The following LMBR1 variants were observed in gnomAD, a reference collection of about 807,000 sequenced individuals.
The protein encoded by LMBR1 is limb region 1 protein homolog.
A neutral mutation model predicts 73.9 loss-of-function variants in LMBR1; 52 were observed. The ratio of observed to expected loss-of-function variants is 0.70; its 90% CI spans 0.56 to 0.89. LMBR1 has a LOEUF of 0.89. LMBR1 is among the 40% of genes least tolerant of loss of function. The pLI is 0.00. For missense variants in LMBR1, 539 were observed against 579.8 expected, an observed-to-expected ratio of 0.93 and a Z score of 0.72; for synonymous variants, 215 against 209.4, an observed-to-expected ratio of 1.03 and a Z score of -0.23.
In LMBR1 at chr7:156,688,066, T is replaced by A; in HGVS notation, c.1351A>T (p.Thr451Ser). ...AAAAGTTCTTCTCGAACTGCAGAGG[T>A]GAATTTTCGGACCAGACACAATGTT... Reference protein sequence around the residue: ...VTTLCLVRKFTSAVREELFKA... With the variant: ...VTTLCLVRKFSSAVREELFKA... Residue 451 changes from threonine (T) to serine (S), a missense_variant, in exon 16 of 17, where the codon ACC becomes TCC. Around this residue, in one of 3 missense-constraint regions of LMBR1, gnomAD observed 69 missense variants for 68.5 expected, o/e 1.01. Coordinates refer to ENST00000353442, the MANE Select transcript of LMBR1 (RefSeq NM_022458.4). 6.2e-7 allele frequency: 1 copy of A among 1,611,246 alleles called. No individual in the cohort carries two copies. The highest frequency in any genetic ancestry group is 8.5e-7 in the Non-Finnish European group (1 of 1,179,104).
At chr7:156,711,275 CACTCCAGCCTGGG>C (rs952982563) in intron 15 of LMBR1, among the ~76,000 whole-genome samples, 1 of 152,154 alleles carries the variant, frequency 6.6e-6, no homozygotes, top group African/African-American at 2.4e-5. Context: ...TACGCCACTG[CACTCCAGCCTGGG>C]CGACAGAGCG....
intron 10 of LMBR1, among the ~76,000 whole-genome samples, chr7:156,733,040 G>A (rs1168244579): frequency 3.3e-5 from 5 of 152,162 alleles, no homozygotes; most frequent in East Asian, 3.9e-4. Flanking sequence ...AGCTACTCAG[G>A]AGGCTGAAGT....
chr7:156,817,199 A>G (rs560948222), intron 4 of LMBR1, among the ~76,000 whole-genome samples: 19 of 152,292 alleles, frequency 1.2e-4, no homozygotes, highest in African/African-American at 4.6e-4. Context: ...ACTACAATAT[A>G]CAATACTATA....
At chr7:156,878,330 A>G (rs1055326502) in intron 1 of LMBR1, among the ~76,000 whole-genome samples, 24 of 152,208 alleles carry the variant, frequency 1.6e-4, no homozygotes, top group Non-Finnish European at 3.5e-4. Context: ...GTAGCTCCTA[A>G]AACTGATAAA....
chr7:156,786,590 T>C lies in LMBR1; in HGVS notation c.423+9799A>G, dbSNP rs572175102. 1.7e-3 allele frequency among the ~76,000 whole-genome samples: 254 copies of C among 152,212 alleles called. 1 individual carries two copies. Among genetic ancestry groups the C allele is most frequent in the Middle Eastern group, 6.8e-3 (2 of 294 alleles). On this transcript the variant is annotated intron_variant, in intron 5 of 16. Coordinates refer to ENST00000353442, the MANE Select transcript of LMBR1 (RefSeq NM_022458.4). Reference sequence around the variant, plus strand: ...ATAGACTATATTATTCATCCCAACTTTGAAGGAATGATAACACTTGAAGAG... The same window carrying C: ...ATAGACTATATTATTCATCCCAACTCTGAAGGAATGATAACACTTGAAGAG...
intron 1 of LMBR1, chr7:156,892,690 G>T: frequency 6.0e-6 from 2 of 334,378 alleles, no homozygotes; most frequent in Non-Finnish European, 5.3e-6. Flanking sequence ...GGGGAGGCAA[G>T]AGCGGAGCGG....
In LMBR1 at chr7:156,685,885, C is replaced by T. The variant is rs1461998955; in HGVS notation, c.1388-1722G>A. Among the ~76,000 whole-genome samples, 1 of 152,216 alleles carries T rather than the reference C, an allele frequency of 6.6e-6. No individual in the cohort carries two copies. The highest frequency in any genetic ancestry group is 1.5e-5 in the Non-Finnish European group (1 of 68,042). ...TGACCTATTAGGCAGTTTTACATCA[C>T]TCATAAACTAATATAGCACTCCAAA... On this transcript the variant is annotated intron_variant, in intron 16 of 16. Transcript: ENST00000353442. This position sits in a 1 kb window ranked among gnomAD's most constrained non-coding sequence, Gnocchi z 4.1.
At position 156,816,151 on chromosome 7, in the gene LMBR1, A is replaced by C. The variant is rs139423813; in HGVS notation, c.319+10454T>G. Among the ~76,000 whole-genome samples, 76 of 152,270 alleles carry C rather than the reference A, an allele frequency of 5.0e-4. No individual in the cohort carries two copies. The East Asian group carries it at 0.014, about 28-fold the overall frequency. ...CCAATACACTTACTTTTATTAAAAC[A>C]AAGATAGTTTATCAAAAGCTAAATG... On this transcript the variant is annotated intron_variant, in intron 4 of 16. Coordinates refer to ENST00000353442, the MANE Select transcript of LMBR1 (RefSeq NM_022458.4).
chr7:156,771,652 A>G (rs140622417), intron 5 of LMBR1, among the ~76,000 whole-genome samples: 243 of 152,294 alleles, frequency 1.6e-3, no homozygotes, highest in African/African-American at 5.4e-3. Flanking sequence ...ATCCTATCAA[A>G]TATTTAAAGA....
At chr7:156,801,174 G>T (rs1830890406) in intron 4 of LMBR1, among the ~76,000 whole-genome samples, 1 of 152,186 alleles carries the variant, frequency 6.6e-6, no homozygotes, top group African/African-American at 2.4e-5. Context: ...ATGCTACACA[G>T]AAATCTTTTG....
At chr7:156,686,290 C>T (rs551976806) in intron 16 of LMBR1, among the ~76,000 whole-genome samples, 28 of 152,206 alleles carry the variant, frequency 1.8e-4, no homozygotes, top group African/African-American at 6.7e-4. Context: ...ATCACCACAG[C>T]TAAATTTCTA....
At chr7:156,847,806 T>C (rs1357693911) in intron 1 of LMBR1, among the ~76,000 whole-genome samples, 3 of 152,150 alleles carry the variant, frequency 2.0e-5, no homozygotes, top group Admixed American at 6.5e-5. Flanking sequence ...CTCTCATTAA[T>C]TGCTAGTGGG....
intron 15 of LMBR1, among the ~76,000 whole-genome samples, chr7:156,688,779 T>C (rs1459800410): frequency 6.6e-6 from 1 of 152,054 alleles, no homozygotes; most frequent in Non-Finnish European, 1.5e-5. Context: ...CATAGACTAT[T>C]TTTTTTTCTT....
At chr7:156,838,063 C>CAG (rs1837980559) in intron 1 of LMBR1, among the ~76,000 whole-genome samples, 1 of 152,136 alleles carries the variant, frequency 6.6e-6, no homozygotes. Context: ...GCTGGGATTA[C>CAG]AGGCATGGGC....
intron 15 of LMBR1, among the ~76,000 whole-genome samples, chr7:156,720,916 C>G (rs752622518): frequency 4.6e-5 from 7 of 151,884 alleles, no homozygotes; most frequent in Non-Finnish European, 1.0e-4. Flanking sequence ...GCCCAGGGTA[C>G]AGATAAATAG....
At chr7:156,832,067 A>C (rs1168925623) in intron 3 of LMBR1, among the ~76,000 whole-genome samples, 1 of 152,244 alleles carries the variant, frequency 6.6e-6, no homozygotes, top group Non-Finnish European at 1.5e-5. Context: ...CAGGGCTAAG[A>C]ATAAAACTAA....
chr7:156,693,490 G>A (rs1807658254), intron 15 of LMBR1, among the ~76,000 whole-genome samples: 1 of 151,896 alleles, frequency 6.6e-6, no homozygotes, highest in African/African-American at 2.4e-5. Flanking sequence ...CAAATAAAAA[G>A]ATCATAAGGA....
At chr7:156,787,721 T>C (rs1246657065) in intron 5 of LMBR1, among the ~76,000 whole-genome samples, 2 of 152,214 alleles carry the variant, frequency 1.3e-5, no homozygotes, top group African/African-American at 2.4e-5. Flanking sequence ...GTAAGTAACA[T>C]TCCATGTCTA....
chr7:156,695,181 T>C (rs1808026694), intron 15 of LMBR1, among the ~76,000 whole-genome samples: 2 of 152,164 alleles, frequency 1.3e-5, no homozygotes, highest in Non-Finnish European at 2.9e-5. Flanking sequence ...TAGTGGTGAA[T>C]GCCTGTAGTC....
Sources: allele counts gnomAD v4.1 joint callset (sites outside exome capture counted in the v4.1 genomes callset), GRCh38; gene constraint gnomAD v4.1.1; regional missense constraint gnomAD v4.1.1; non-coding constraint Gnocchi (gnomAD v3.1); transcripts MANE v1.5; gene names NCBI Gene and HGNC (gene_info 2026-07-23, HGNC 2026-07-21).